CYREN: variants seen among roughly 807,000 people sequenced by gnomAD.
The protein encoded by CYREN is cell cycle regulator of non-homologous end joining.
A neutral mutation model predicts 9.7 loss-of-function variants in CYREN; 7 were observed. The ratio of observed to expected loss-of-function variants is 0.72; its 90% CI spans 0.41 to 1.36. CYREN has a LOEUF of 1.36. Ranked by LOEUF, CYREN falls within the 40% of genes most tolerant of loss-of-function variation. The probability of loss-of-function intolerance (pLI) is 0.01; values close to 1 mark genes in which losing one functional copy is unlikely to be tolerated. For missense variants in CYREN, 215 were observed against 198.1 expected (o/e 1.09, Z -0.51); for synonymous variants, 76 against 77.9 (o/e 0.98, Z 0.13).
At chr7:135,171,785 T>TGTGGAGCCCA (rs145594837), upstream of CYREN, among the ~76,000 whole-genome samples, 8 of 151,948 alleles carry the variant, frequency 5.3e-5, no homozygotes, top group African/African-American at 1.7e-4. Context: ...TGACAAGCCC[T>TGTGGAGCCCA]GTGGAGCGTC....
At chr7:135,170,772 TC>T, upstream of CYREN, 1 of 151,894 alleles carries the variant, frequency 6.6e-6, no homozygotes, top group Non-Finnish European at 1.5e-5. Context: ...TCGGGACACT[TC>T]CGGTCTTGGG....
chr7:135,140,215 A>C (rs146106197), intron 2 of CYREN, among the ~76,000 whole-genome samples: 1 of 151,848 alleles, frequency 6.6e-6, no homozygotes, highest in East Asian at 1.9e-4. Context: ...TTTTCCATTT[A>C]TTTGTGTCAT....
At chr7:135,167,477 TCTCC>T in intron 3 of CYREN, 1 of 1,363,140 alleles carries the variant, frequency 7.3e-7, no homozygotes, top group Non-Finnish European at 9.5e-7. Flanking sequence ...ACAGTCACGC[TCTCC>T]CTAACACACA....
chr7:135,171,536 C>G (rs571291833), upstream of CYREN, among the ~76,000 whole-genome samples: 1 of 41,504 alleles, frequency 2.4e-5, no homozygotes, highest in African/African-American at 7.1e-5. Flanking sequence ...CATGCAGCCC[C>G]TGTCACGTAC....
At chr7:135,093,339 G>C (rs1585064635) in exon 3 of CYREN, 1 of 151,962 alleles carries the variant, frequency 6.6e-6, no homozygotes, top group East Asian at 1.9e-4. Flanking sequence ...TAATAAATGA[G>C]TTCAACAAGG....
downstream of CYREN, chr7:135,164,507 T>C (rs1830032308): frequency 1.2e-6 from 2 of 1,613,276 alleles, no homozygotes; most frequent in Non-Finnish European, 1.7e-6. Flanking sequence ...TCCTCGTGAT[T>C]GTGGTCATCT....
In CYREN at chr7:135,128,591, G is replaced by A. The variant is rs1406426987; in HGVS notation, n.357-34009C>T. The A allele has an allele frequency of 2.3e-5, 18 of 771,082 alleles. No individual in the cohort carries two copies. In the East Asian group the frequency reaches 2.9e-4, roughly 13 times the overall value. The allele number at this position is 771,082 out of a possible 1,614,324, so 47.8% of individuals were successfully genotyped here. A position where few individuals can be genotyped will look rare whatever the true frequency, so the allele number is the denominator to read the frequency against. On this transcript the variant is annotated intron_variant and non_coding_transcript_variant, in intron 2 of 2. Coordinates refer to the CYREN transcript ENST00000459937. ...ATAGAATTTCAAGATGTTTGTGAGC[G>A]CTATCTGCTCTATGGGAAGAACACC...
At chr7:135,140,352 G>A (rs985301480) in intron 2 of CYREN, among the ~76,000 whole-genome samples, 1 of 151,812 alleles carries the variant, frequency 6.6e-6, no homozygotes, top group Non-Finnish European at 1.5e-5. Context: ...TTCCTGATTT[G>A]GTTCTCAGCT....
At chr7:135,164,994 TGCTAAAG>T (rs762258689), downstream of CYREN, 81 of 1,584,376 alleles carry the variant, frequency 5.1e-5, no homozygotes, top group Non-Finnish European at 6.8e-5. Context: ...GCTTGAGAGC[TGCTAAAG>T]GCTTACGTGA....
intron 2 of CYREN, chr7:135,115,321 A>C: frequency 8.8e-7 from 1 of 1,139,884 alleles, no homozygotes; most frequent in South Asian, 1.6e-5. Context: ...AATAATGCCC[A>C]ATAAGTAATT....
chr7:135,107,440 C>A (rs1163055899), intron 2 of CYREN, among the ~76,000 whole-genome samples: 1 of 152,160 alleles, frequency 6.6e-6, no homozygotes, highest in Non-Finnish European at 1.5e-5. Context: ...TTAAAAAGAG[C>A]TTCTTGATTT....
intron 2 of CYREN, among the ~76,000 whole-genome samples, chr7:135,146,304 G>A (rs569454774): frequency 1.4e-4 from 21 of 152,098 alleles, no homozygotes; most frequent in Non-Finnish European, 2.6e-4. Flanking sequence ...CCGTCATATG[G>A]GTGCGGTTCA....
intron 2 of CYREN, among the ~76,000 whole-genome samples, chr7:135,126,116 A>G (rs1019760236): frequency 3.9e-5 from 6 of 152,228 alleles, no homozygotes. Context: ...CTCTGTTTGC[A>G]GATGACATGA....
Position 135,166,598 on chromosome 7 carries a change from C to T in CYREN, c.*13G>A. The T allele has an allele frequency of 1.3e-6, 2 of 1,571,364 alleles. No homozygotes were observed. On this transcript the variant is annotated 3_prime_UTR_variant, in exon 4 of 4. Transcript: ENST00000393114. ...GCTGCTCTCGGCAGACAGTTCAGTG[C>T]ACAGTTTATGCCCTAGCTGAAAAAG...
chr7:135,156,077 T>C (rs1415242565), intron 2 of CYREN, among the ~76,000 whole-genome samples: 1 of 152,216 alleles, frequency 6.6e-6, no homozygotes, highest in East Asian at 1.9e-4. Flanking sequence ...ATCCCATTGT[T>C]TTCTGGCATG....
chr7:135,172,386 G>T (rs1045809194), upstream of CYREN, among the ~76,000 whole-genome samples: 5 of 151,336 alleles, frequency 3.3e-5, no homozygotes, highest in East Asian at 7.8e-4. Context: ...ATTTTGGTTT[G>T]GTATAAACGG....
intron 2 of CYREN, chr7:135,168,386 G>C (rs563022834): frequency 1.1e-5 from 2 of 189,508 alleles, no homozygotes; most frequent in Admixed American, 1.2e-4. Flanking sequence ...CTGCTCATCT[G>C]TCCATCCCTA....
At chr7:135,147,623 C>T (rs1157017784) in intron 2 of CYREN, among the ~76,000 whole-genome samples, 1 of 152,116 alleles carries the variant, frequency 6.6e-6, no homozygotes, top group Non-Finnish European at 1.5e-5. Flanking sequence ...AGTTTTGTGT[C>T]CAGAGAAGCC....
At chr7:135,131,809 CAAAT>C (rs1351568800) in intron 2 of CYREN, among the ~76,000 whole-genome samples, 15 of 151,364 alleles carry the variant, frequency 9.9e-5, no homozygotes, top group African/African-American at 3.6e-4. Flanking sequence ...TTAATACTGA[CAAAT>C]AAAGAAAAAA....
Sources: gnomAD v4.1 joint callset for allele counts (sites outside exome capture counted in the v4.1 genomes callset) on GRCh38, gnomAD v4.1.1 for gene constraint, MANE v1.5 for transcripts, NCBI Gene and HGNC (gene_info 2026-07-23, HGNC 2026-07-21) for gene names.